ART4: variants seen among roughly 807,000 people sequenced by gnomAD.
ART4 encodes ADP-ribosyltransferase 4 (inactive) (Dombrock blood group), also known as ecto-ADP-ribosyltransferase 4.
Under a neutral mutation model 24.2 loss-of-function variants are expected in ART4, and 14 were observed. The ratio of observed to expected loss-of-function variants is 0.58; its 90% confidence interval spans 0.38 to 0.90. The LOEUF (loss-of-function observed/expected upper bound fraction) is 0.90, where lower values mean the gene tolerates loss of function less well. ART4 is among the 40% of genes least tolerant of loss of function. The probability of loss-of-function intolerance (pLI) is 0.00; values close to 1 mark genes in which losing one functional copy is unlikely to be tolerated. For synonymous variants in ART4, 145 were observed against 139.9 expected, an observed-to-expected ratio of 1.04 and a Z score of -0.26; for missense variants, 356 against 366.6, an observed-to-expected ratio of 0.97 and a Z score of 0.24.
Position 14,829,051 on chromosome 12 carries a change from A to G in ART4, c.*320T>C, listed in dbSNP as rs965178525. ...TATTCCAGCATGAATCTTTGTGTCCATGAAGAAGAAATATACTGATTGGCT... is the reference window on the plus strand; with the variant it reads ...TATTCCAGCATGAATCTTTGTGTCCGTGAAGAAGAAATATACTGATTGGCT... On this transcript the variant is annotated 3_prime_UTR_variant, in exon 3 of 3. Coordinates refer to ENST00000228936, the MANE Select transcript of ART4 (RefSeq NM_021071.4). 3.3e-5 allele frequency: 6 copies of G among 179,762 alleles called. No individual in the cohort carries two copies. Among genetic ancestry groups the G allele is most frequent in the Admixed American group, 6.1e-5 (1 of 16,288 alleles). The allele number at this position is 179,762 out of a possible 1,614,324, so 11.1% of individuals were successfully genotyped here.
At chr12:14,832,076 C>A (rs1488229206) in intron 2 of ART4, among the ~76,000 whole-genome samples, 2 of 152,068 alleles carry the variant, frequency 1.3e-5, no homozygotes, top group Non-Finnish European at 2.9e-5. Flanking sequence ...TCTCTGCTTA[C>A]CTCATTACAG....
At chr12:14,842,348 A>T (rs1030391167) in intron 1 of ART4, among the ~76,000 whole-genome samples, 5 of 152,200 alleles carry the variant, frequency 3.3e-5, no homozygotes, top group Non-Finnish European at 5.9e-5. Flanking sequence ...TATGTTATTT[A>T]TGATGAGACG....
chr12:14,837,497 A>C (rs985376107), intron 2 of ART4, among the ~76,000 whole-genome samples: 2 of 152,108 alleles, frequency 1.3e-5, no homozygotes, highest in Non-Finnish European at 2.9e-5. Flanking sequence ...ATGCTATAGA[A>C]TATATAAATA....
chr12:14,829,336 TA>T lies in ART4; in HGVS notation c.*34del, dbSNP rs1432743070. The T allele has an allele frequency of 2.3e-5, 31 of 1,359,186 alleles. 1 individual carries two copies. The highest frequency in any genetic ancestry group is 2.3e-4 in the African/African-American group (15 of 66,514). 84.2% of individuals were successfully genotyped at this position (1,359,186 alleles called of 1,614,324 possible). On this transcript the variant is annotated 3_prime_UTR_variant, in exon 3 of 3. Transcript: ENST00000228936. ...GCCAATAAAAAAGATTTTATTTAAA[TA>T]TTTTTTTTAAATAAAAGGAGCCACA...
In ART4 at chr12:14,825,892, T is replaced by G. The variant is rs1950357380; in HGVS notation, c.*3479A>C. The G allele has an allele frequency of 6.6e-6, 1 of 152,212 alleles. No individual in the cohort carries two copies. Among genetic ancestry groups the G allele is most frequent in the South Asian group, 2.1e-4 (1 of 4,834 alleles). The allele number at this position is 152,212 out of a possible 1,614,324, so 9.4% of individuals were successfully genotyped here. ...GGTTGAGTGTTTTTACTTTTTAAAT[T>G]TTTCCTGTTTCAATCAGCTTCTTCA... On this transcript the variant is annotated 3_prime_UTR_variant, in exon 3 of 3. Transcript: ENST00000228936.
In ART4 at chr12:14,840,691, G is replaced by A. The variant is rs770694825; in HGVS notation, c.607C>T (p.Arg203Ter). ...GATGTGGAGAGGAATTGGCCAAATC[G>A]AATGGTGGCCCCTGTGTAGGCATTA... Reference protein sequence around the residue: ...HFNAYTGATIRFGQFLSTSLL... With the variant: ...HFNAYTGATI The change falls in exon 2 of 3, where the codon CGA (arginine) becomes TGA (stop). Residue 203 changes from arginine (R) to a stop codon, truncating the protein, a stop_gained. Transcript: ENST00000228936. LOFTEE classifies it high-confidence loss of function. The A allele has an allele frequency of 5.6e-6, 9 of 1,613,992 alleles. No individual in the cohort carries two copies. In the East Asian group the frequency reaches 6.7e-5, roughly 12 times the overall value.
At chr12:14,835,554 G>C (rs542218155) in intron 2 of ART4, among the ~76,000 whole-genome samples, 20 of 151,720 alleles carry the variant, frequency 1.3e-4, no homozygotes, top group African/African-American at 2.2e-4. Flanking sequence ...AAGAAACAAA[G>C]AAACAAACAA....
chr12:14,827,499 G>C lies in ART4; in HGVS notation c.*1872C>G, dbSNP rs1038631507. On this transcript the variant is annotated 3_prime_UTR_variant, in exon 3 of 3. Coordinates refer to ENST00000228936, the MANE Select transcript of ART4 (RefSeq NM_021071.4). ...TCACTGCACTACCTCCGCCTCCTGGGTTTAGGCAATTTTCCTGCCTCAGCC... is the reference window on the plus strand; with the variant it reads ...TCACTGCACTACCTCCGCCTCCTGGCTTTAGGCAATTTTCCTGCCTCAGCC... 3 of 152,356 alleles carry C rather than the reference G, an allele frequency of 2.0e-5. No individual in the cohort carries two copies. Among genetic ancestry groups the C allele is most frequent in the Admixed American group, 2.0e-4 (3 of 15,278 alleles). The allele number at this position is 152,356 out of a possible 1,614,324, so 9.4% of individuals were successfully genotyped here.
In ART4 at chr12:14,841,002, T is replaced by C; in HGVS notation, c.296A>G (p.Lys99Arg). 6.2e-7 allele frequency: 1 copy of C among 1,614,176 alleles called. No individual in the cohort carries two copies. Among genetic ancestry groups the C allele is most frequent in the Non-Finnish European group, 8.5e-7 (1 of 1,180,028 alleles). ...AQKNYFRMWQ[K>R]AHLAWLNQGK... ...TTGGTTAAGCCAGGCTAAGTGGGCT[T>C]TTTGCCACATCCTAAAATAATTCTT... The change falls in exon 2 of 3, where the codon AAA becomes AGA. Residue 99 changes from lysine to arginine, a missense_variant. Coordinates refer to ENST00000228936, the MANE Select transcript of ART4 (RefSeq NM_021071.4).
chr12:14,830,001 C>T lies in ART4; in HGVS notation c.854-539G>A, dbSNP rs1950383560. On this transcript the variant is annotated intron_variant, in intron 2 of 2. Transcript: ENST00000228936. ...TAGTATAGGCACCATTCAAACTTGG[C>T]CAGTTTGTCTCAATTCTGCATTCTT... 2.6e-5 allele frequency among the ~76,000 whole-genome samples: 4 copies of T among 152,078 alleles called. No homozygotes were observed. In the South Asian group the frequency reaches 6.2e-4, roughly 24 times the overall value.
At chr12:14,833,814 A>G (rs547955569) in intron 2 of ART4, among the ~76,000 whole-genome samples, 10 of 152,360 alleles carry the variant, frequency 6.6e-5, no homozygotes, top group South Asian at 6.2e-4. Flanking sequence ...AATGCTATCT[A>G]TAGCCTCTTT....
intron 2 of ART4, among the ~76,000 whole-genome samples, chr12:14,836,910 C>T (rs186427194): frequency 9.9e-5 from 15 of 152,284 alleles, no homozygotes; most frequent in Admixed American, 2.0e-4. Flanking sequence ...GAACTTTAAA[C>T]TTTTCATTCA....
rs751785543 is a variant in ART4, at chr12:14,843,029, C to T, written c.85G>A (p.Gly29Ser). ...PATMRIWLLG[G>S]LLPFLLLLSG... ...AGGAGCAGCAGGAATGGCAGCAGGC[C>T]TCCAAGGAGCCAGATTCTCATCGTT... Residue 29 changes from glycine (G) to serine (S), a missense_variant, in exon 1 of 3, where the codon GGC becomes AGC. Gly to Ser is a moderately conservative substitution (Grantham distance 56). Coordinates refer to ENST00000228936, the MANE Select transcript of ART4 (RefSeq NM_021071.4). 2 of 1,614,024 alleles carry T rather than the reference C, an allele frequency of 1.2e-6. No homozygotes were observed. The highest frequency in any genetic ancestry group is 1.7e-6 in the Non-Finnish European group (2 of 1,179,986).
intron 2 of ART4, among the ~76,000 whole-genome samples, chr12:14,839,078 G>A (rs567327170): frequency 1.3e-3 from 192 of 152,062 alleles, no homozygotes; most frequent in African/African-American, 4.4e-3. Context: ...TTTTCACAGT[G>A]TCATCAGAGC....
intron 2 of ART4, among the ~76,000 whole-genome samples, chr12:14,837,410 C>G (rs1171502299): frequency 6.6e-6 from 1 of 152,158 alleles, no homozygotes; most frequent in Admixed American, 6.5e-5. Context: ...TTCACTCATT[C>G]AACAAAATAG....
Position 14,828,718 on chromosome 12 carries a change from A to T in ART4, c.*653T>A, listed in dbSNP as rs978071374. ...ATTCAAATTATGCAAGCAAAAACAT[A>T]AATTATTGATTTATGTAATGAAAAA... On this transcript the variant is annotated 3_prime_UTR_variant, in exon 3 of 3. Transcript: ENST00000228936. 2.0e-5 allele frequency: 3 copies of T among 152,216 alleles called. No homozygotes were observed. The highest frequency in any genetic ancestry group is 7.2e-5 in the African/African-American group (3 of 41,462). 9.4% of individuals were successfully genotyped at this position (152,216 alleles called of 1,614,324 possible).
At position 14,838,927 on chromosome 12, in the gene ART4, G is replaced by A. The variant is rs1240526953; in HGVS notation, c.853+1518C>T. Among the ~76,000 whole-genome samples, 3 of 146,118 alleles carry A rather than the reference G, an allele frequency of 2.1e-5. No homozygotes were observed. In the East Asian group the frequency reaches 5.9e-4, roughly 29 times the overall value. ...TTTTTTTTTTTTTCTGAATCAAAAA[G>A]GGCACAGGATTTGCTACACAACTAC... On this transcript the variant is annotated intron_variant, in intron 2 of 2. Transcript: ENST00000228936.
At position 14,843,059 on chromosome 12, in the gene ART4, G is replaced by A. The variant is rs775593766; in HGVS notation, c.55C>T (p.Pro19Ser). Residue 19 changes from proline to serine, a missense_variant, in exon 1 of 3, where the codon CCT (proline) becomes TCT (serine). Transcript: ENST00000228936. ...KKILLPTTVP[P>S]ATMRIWLLGG... ...AGGAGCCAGATTCTCATCGTTGCAG[G>A]AGGTACAGTAGTTGGGAGAAGAATC... 3 of 1,614,206 alleles carry A rather than the reference G, an allele frequency of 1.9e-6. No individual in the cohort carries two copies. The highest frequency in any genetic ancestry group is 2.5e-6 in the Non-Finnish European group (3 of 1,180,026).
At chr12:14,831,484 C>T (rs989387013) in intron 2 of ART4, among the ~76,000 whole-genome samples, 17 of 151,802 alleles carry the variant, frequency 1.1e-4, no homozygotes, top group Admixed American at 4.6e-4. Context: ...AGGCTGGTCT[C>T]GAACTCCTGA....
Sources: allele counts gnomAD v4.1 joint callset (sites outside exome capture counted in the v4.1 genomes callset), GRCh38; gene constraint gnomAD v4.1.1; transcripts MANE v1.5; gene names NCBI Gene and HGNC (gene_info 2026-07-23, HGNC 2026-07-21).